TAF4: variants seen among roughly 807,000 people sequenced by gnomAD.
TAF4 encodes TATA-box binding protein associated factor 4, also known as transcription initiation factor TFIID subunit 4.
Under a neutral mutation model 90.3 loss-of-function variants are expected in TAF4, and 9 were observed. The ratio of observed to expected loss-of-function variants is 0.10; its 90% CI spans 0.06 to 0.17. TAF4 has a LOEUF of 0.17. TAF4 is among the 10% of genes least tolerant of loss of function. The probability of loss-of-function intolerance (pLI) is 1.00; values close to 1 mark genes in which losing one functional copy is unlikely to be tolerated. For missense variants in TAF4, 1,351 were observed against 1,370.7 expected, an observed-to-expected ratio of 0.99 and a Z score of 0.23; for synonymous variants, 818 against 638.9, an observed-to-expected ratio of 1.28 and a Z score of -4.23.
chr20:62,018,682 G>A (rs571295836), intron 1 of TAF4, among the ~76,000 whole-genome samples: 15 of 152,364 alleles, frequency 9.8e-5, no homozygotes, highest in African/African-American at 3.4e-4. Flanking sequence ...TGTGAGGAAT[G>A]CAGAGAGGAG....
At chr20:62,009,014 C>A in intron 5 of TAF4, 38 bp downstream of exon 5, 1 of 1,603,112 alleles carries the variant, frequency 6.2e-7, no homozygotes, top group Non-Finnish European at 8.5e-7. Context: ...ATGCAACAGG[C>A]TTTAGGGGAA....
At chr20:62,014,154 G>A (rs940925432) in intron 2 of TAF4, among the ~76,000 whole-genome samples, 6 of 152,064 alleles carry the variant, frequency 3.9e-5, no homozygotes, top group Admixed American at 6.5e-5. Flanking sequence ...TCCATGCGGC[G>A]CTGGTGGCGG....
intron 1 of TAF4, among the ~76,000 whole-genome samples, chr20:62,018,966 C>G (rs1355636053): frequency 2.0e-5 from 3 of 152,132 alleles, no homozygotes; most frequent in African/African-American, 7.2e-5. Context: ...CCGCCTCCCC[C>G]GCAACCTCCC....
intron 1 of TAF4, among the ~76,000 whole-genome samples, chr20:62,017,188 T>TA (rs1199548434): frequency 4.0e-5 from 6 of 151,318 alleles, no homozygotes. Context: ...GAGAAGCCAA[T>TA]AATGGACGCA....
intron 1 of TAF4, among the ~76,000 whole-genome samples, chr20:62,046,818 TCTAA>T (rs1437482183): frequency 2.0e-5 from 3 of 152,156 alleles, no homozygotes; most frequent in South Asian, 2.1e-4. Context: ...TGTCCTGGAG[TCTAA>T]CTATGTGAGC....
intron 7 of TAF4, among the ~76,000 whole-genome samples, 180 bp from the exon 8 acceptor site, chr20:62,004,058 G>A (rs1363184536): frequency 6.6e-6 from 1 of 152,238 alleles, no homozygotes; most frequent in East Asian, 1.9e-4. Flanking sequence ...TCTGGCCATG[G>A]ACTCGGCCAG....
intron 14 of TAF4, among the ~76,000 whole-genome samples, chr20:61,979,881 C>T (rs947461721): frequency 2.0e-5 from 3 of 152,158 alleles, no homozygotes; most frequent in South Asian, 4.1e-4. Context: ...CGTGCAGGCG[C>T]GACGGCCACT....
chr20:62,018,358 T>C (rs1248440122), intron 1 of TAF4, among the ~76,000 whole-genome samples: 1 of 152,146 alleles, frequency 6.6e-6, no homozygotes, highest in Non-Finnish European at 1.5e-5. Flanking sequence ...CAGTTCTGGG[T>C]CCTGTGAGCT....
At chr20:62,045,820 A>C (rs1260283550) in intron 1 of TAF4, among the ~76,000 whole-genome samples, 1 of 152,208 alleles carries the variant, frequency 6.6e-6, no homozygotes, top group Non-Finnish European at 1.5e-5. Flanking sequence ...GGACGAAGGG[A>C]AGACAGAACT....
chr20:62,046,448 C>T (rs1216984468), intron 1 of TAF4, among the ~76,000 whole-genome samples: 1 of 152,210 alleles, frequency 6.6e-6, no homozygotes, highest in East Asian at 1.9e-4. Context: ...TGAAATTGTG[C>T]GATAGGCGGT....
Position 62,010,486 on chromosome 20 carries a change from G to C in TAF4, c.1642-321C>G, listed in dbSNP as rs1023869905. Among the ~76,000 whole-genome samples the C allele has an allele frequency of 6.6e-6, 1 of 152,136 alleles. No individual in the cohort carries two copies. Among genetic ancestry groups the C allele is most frequent in the Non-Finnish European group, 1.5e-5 (1 of 68,032 alleles). ...CATGGAAAAAGTCACATAGAGACCA[G>C]AGTAAATAATCCTAACAGGCAACCC... On this transcript the variant is annotated intron_variant, in intron 3 of 14. Coordinates refer to ENST00000252996, the MANE Select transcript of TAF4 (RefSeq NM_003185.4). This position sits in a 1 kb window ranked among gnomAD's most constrained non-coding sequence, Gnocchi z 4.5.
rs902000846 is a variant in TAF4, at chr20:62,006,428, A to G, written c.2223+82T>C. ...CCTGCATGCTTGGAAAAGGTTTCTG[A>G]GCCGTGGCCAATTTATCTAAGAAGC... On this transcript the variant is annotated intron_variant, in intron 7 of 14. Coordinates refer to ENST00000252996, the MANE Select transcript of TAF4 (RefSeq NM_003185.4). The surrounding 1 kb of genome is among the most constrained non-coding windows in gnomAD (Gnocchi z 7.0). 2 of 1,315,252 alleles carry G rather than the reference A, an allele frequency of 1.5e-6. No individual in the cohort carries two copies. The highest frequency in any genetic ancestry group is 1.9e-6 in the Non-Finnish European group (2 of 1,029,744). 81.5% of individuals were successfully genotyped at this position (1,315,252 alleles called of 1,614,324 possible). A position where few individuals can be genotyped will look rare whatever the true frequency, so the allele number is the denominator to read the frequency against.
intron 1 of TAF4, among the ~76,000 whole-genome samples, chr20:62,026,428 G>A (rs747860252): frequency 7.2e-5 from 11 of 152,132 alleles, no homozygotes; most frequent in Non-Finnish European, 1.6e-4. Context: ...CCCAGCCTCC[G>A]AATGAAAGTG....
chr20:61,990,634 G>C (rs1419851432), intron 14 of TAF4, among the ~76,000 whole-genome samples: 7 of 152,208 alleles, frequency 4.6e-5, no homozygotes, highest in Admixed American at 4.6e-4. Context: ...GAGGACCAGG[G>C]AGGGCAGCCT....
chr20:61,987,640 G>A (rs576622205), intron 14 of TAF4, among the ~76,000 whole-genome samples: 60 of 152,328 alleles, frequency 3.9e-4, no homozygotes, highest in African/African-American at 1.2e-3. Flanking sequence ...AACATGGCGC[G>A]GCTGCTGGAA....
rs141646555 is a variant in TAF4, at chr20:62,003,254, C to T, written c.2392G>A (p.Val798Met). The change falls in exon 9 of 15, where the codon GTG becomes ATG. Residue 798 changes from valine (V) to methionine (M), a missense_variant. Physicochemically the swap from Val to Met is conservative, Grantham distance 21. Coordinates refer to ENST00000252996, the MANE Select transcript of TAF4 (RefSeq NM_003185.4). ...GAAAGGGCTTTGGTTCCAGGTAACACGGCGGGTTTCACCACAGGGACTACA... is the reference window on the plus strand; with the variant it reads ...GAAAGGGCTTTGGTTCCAGGTAACATGGCGGGTTTCACCACAGGGACTACA... ...LQPVPVVKPA[V>M]LPGTKALSAV... The T allele has an allele frequency of 3.2e-5, 52 of 1,614,016 alleles. No homozygotes were observed. Among genetic ancestry groups the T allele is most frequent in the African/African-American group, 8.0e-5 (6 of 74,912 alleles).
At position 62,000,187 on chromosome 20, in the gene TAF4, T is replaced by C. The variant is rs1382796295; in HGVS notation, c.2724A>G (p.Gln908=). 1 of 1,614,132 alleles carries C rather than the reference T, an allele frequency of 6.2e-7. No homozygotes were observed. Among genetic ancestry groups the C allele is most frequent in the African/African-American group, 1.3e-5 (1 of 74,946 alleles). Residue 908 remains glutamine (Q), a synonymous_variant, in exon 11 of 15, where the codon CAA becomes CAG. Coordinates refer to ENST00000252996, the MANE Select transcript of TAF4 (RefSeq NM_003185.4). ...VVSYVSHATQ[Q]RLQNLVEKIS... Reference sequence around the variant, plus strand: ...TTTTCTCTACAAGATTCTGTAGCCTTTGTTGCGTGGCATGTGATACATAAC... The same window carrying C: ...TTTTCTCTACAAGATTCTGTAGCCTCTGTTGCGTGGCATGTGATACATAAC...
chr20:62,045,065 G>A (rs185799715), intron 1 of TAF4, among the ~76,000 whole-genome samples: 12 of 152,330 alleles, frequency 7.9e-5, no homozygotes, highest in African/African-American at 2.6e-4. Context: ...TGACTACAAG[G>A]AAAAGAAAAC....
At chr20:61,997,712 G>GT (rs1236432338) in intron 13 of TAF4, 43 bp from the exon 14 acceptor site, 1 of 1,579,680 alleles carries the variant, frequency 6.3e-7, no homozygotes, top group Non-Finnish European at 8.6e-7. Flanking sequence ...TTTCTTGCAT[G>GT]TTTTTTACTT....
Sources: allele counts gnomAD v4.1 joint callset (sites outside exome capture counted in the v4.1 genomes callset), GRCh38; gene constraint gnomAD v4.1.1; non-coding constraint Gnocchi (gnomAD v3.1); transcripts MANE v1.5; gene names NCBI Gene and HGNC (gene_info 2026-07-23, HGNC 2026-07-21).